Variants in IDNK observed in about 807,000 individuals in gnomAD.
IDNK encodes the protein gluconokinase.
In IDNK, 9 loss-of-function variants were observed where a neutral mutation model predicts 13.0. The observed-to-expected ratio is 0.69, with a 90% CI of 0.42 to 1.21. The LOEUF (loss-of-function observed/expected upper bound fraction) is 1.21. IDNK is among the 50% of genes most tolerant of loss of function. The pLI is 0.00. For synonymous variants in IDNK, 92 were observed against 94.9 expected (o/e 0.97, Z 0.18); for missense variants, 210 against 237.8 (o/e 0.88, Z 0.77).
rs150432950 is a variant in IDNK, at chr9:83,643,786, A to G, written c.*6A>G. The G allele has an allele frequency of 4.7e-4, 748 of 1,585,960 alleles. No individual in the cohort carries two copies. The African/African-American group carries it at 8.6e-3, about 18-fold the overall frequency. ...AAACCCTAAAAATGAAATGACAATG[A>G]TTTTGTATCAGTGGTCCAAACAGAA... is the stretch of plus-strand genomic sequence containing the variant. On this transcript the variant is annotated 3_prime_UTR_variant, in exon 5 of 5. Transcript: ENST00000376419.
intron 1 of IDNK, chr9:83,626,324 TGACA>T (rs1830847684): frequency 8.5e-6 from 2 of 234,016 alleles, no homozygotes; most frequent in South Asian, 4.3e-5. Context: ...ATCTTCTTCC[TGACA>T]GTCTACACCC....
intron 4 of IDNK, among the ~76,000 whole-genome samples, chr9:83,643,055 G>A (rs889193698): frequency 1.3e-5 from 2 of 152,210 alleles, no homozygotes; most frequent in African/African-American, 4.8e-5. Flanking sequence ...GCAGCCCTGT[G>A]TCCACACACT....
chr9:83,629,366 A>G (rs1371366240), intron 3 of IDNK, among the ~76,000 whole-genome samples: 1 of 152,178 alleles, frequency 6.6e-6, no homozygotes. Context: ...TGAGAACTCA[A>G]AGCTGGCCAT....
Position 83,623,227 on chromosome 9 carries a change from T to A in IDNK, c.50+6T>A, listed in dbSNP as rs1346255326. On this transcript the variant is annotated splice_donor_region_variant and intron_variant, in intron 1 of 4. Coordinates refer to ENST00000376419, the MANE Select transcript of IDNK (RefSeq NM_001001551.4). ...GGCGTGAGCGGCTCGGGGAAGTAGG[T>A]CCGGGAGAGGGCGGGGGGCGCCCGG... 2.2e-6 allele frequency: 3 copies of A among 1,394,254 alleles called. No homozygotes were observed. In the South Asian group the frequency reaches 5.0e-5, roughly 23 times the overall value. The allele number at this position is 1,394,254 out of a possible 1,614,324, so 86.4% of individuals were successfully genotyped here.
At position 83,624,952 on chromosome 9, in the gene IDNK, T is replaced by G. The variant is rs188080057; in HGVS notation, c.50+1731T>G. Among the ~76,000 whole-genome samples the G allele has an allele frequency of 3.1e-3, 476 of 152,248 alleles. 1 individual carries two copies. Among genetic ancestry groups the G allele is most frequent in the Non-Finnish European group, 5.6e-3 (383 of 68,026 alleles). On this transcript the variant is annotated intron_variant, in intron 1 of 4. Transcript: ENST00000376419. Reference sequence around the variant, plus strand: ...CTGGTCTCAAACTCCTGACCTCAGGTGATCCATGCGTCTCAGCCTCCCAAA... The same window carrying G: ...CTGGTCTCAAACTCCTGACCTCAGGGGATCCATGCGTCTCAGCCTCCCAAA...
intron 1 of IDNK, 199 bp from the exon 2 acceptor site, chr9:83,627,979 TTTC>T: frequency 1.5e-6 from 2 of 1,350,634 alleles, no homozygotes; most frequent in Non-Finnish European, 1.9e-6. Context: ...TAACTAATTA[TTTC>T]TTCATTGACA....
intron 3 of IDNK, among the ~76,000 whole-genome samples, chr9:83,634,944 A>G (rs1831123963): frequency 6.6e-6 from 1 of 152,214 alleles, no homozygotes. Context: ...ATATGTGATC[A>G]TGTAAATTAG....
rs769478824 is a variant in IDNK at position 83,643,780 on chromosome 9, ACAATGATTTTGTATCAGTGGT to A, written c.*2_*22del. On this transcript the variant is annotated 3_prime_UTR_variant, in exon 5 of 5. Transcript: ENST00000376419. ...TTATGGAAACCCTAAAAATGAAATG[ACAATGATTTTGTATCAGTGGT>A]CCAAACAGAACTAAGCATAAATCAT... The A allele has an allele frequency of 2.3e-5, 37 of 1,596,844 alleles. No individual in the cohort carries two copies. Among genetic ancestry groups the A allele is most frequent in the Non-Finnish European group, 3.2e-5 (37 of 1,167,416 alleles).
chr9:83,626,805 C>T, intron 1 of IDNK: 2 of 1,145,584 alleles, frequency 1.7e-6, no homozygotes, highest in Non-Finnish European at 2.2e-6. Context: ...CATCCGTAGG[C>T]TGCATGTCTC....
intron 4 of IDNK, among the ~76,000 whole-genome samples, chr9:83,643,107 A>G (rs1384818836): frequency 6.6e-6 from 1 of 152,094 alleles, no homozygotes; most frequent in African/African-American, 2.4e-5. Context: ...CAGAACTAAC[A>G]CTTACTGAGC....
At chr9:83,629,721 A>G (rs1830960171) in intron 3 of IDNK, among the ~76,000 whole-genome samples, 1 of 152,202 alleles carries the variant, frequency 6.6e-6, no homozygotes, top group South Asian at 2.1e-4. Context: ...CAGCTCAACA[A>G]CTGATGGTCT....
chr9:83,637,214 G>A (rs1831188256), intron 3 of IDNK, among the ~76,000 whole-genome samples: 1 of 152,190 alleles, frequency 6.6e-6, no homozygotes, highest in African/African-American at 2.4e-5. Flanking sequence ...AGTGATCTCT[G>A]GTTAAATAGT....
In IDNK at chr9:83,643,800, G is replaced by T. The variant is rs1489782373; in HGVS notation, c.*20G>T. 9 of 1,546,158 alleles carry T rather than the reference G, an allele frequency of 5.8e-6. No homozygotes were observed. Among genetic ancestry groups the T allele is most frequent in the Middle Eastern group, 3.9e-4 (2 of 5,174 alleles). On this transcript the variant is annotated 3_prime_UTR_variant, in exon 5 of 5. Coordinates refer to ENST00000376419, the MANE Select transcript of IDNK (RefSeq NM_001001551.4). ...AAATGACAATGATTTTGTATCAGTG[G>T]TCCAAACAGAACTAAGCATAAATCA...
chr9:83,632,843 T>C (rs1831060507), intron 3 of IDNK, among the ~76,000 whole-genome samples: 1 of 152,198 alleles, frequency 6.6e-6, no homozygotes, highest in African/African-American at 2.4e-5. Context: ...GTGAATTTGC[T>C]CTAATATCTC....
Position 83,623,223 on chromosome 9 carries a change from TAGGTCC to T in IDNK, c.50+3_50+8del, listed in dbSNP as rs1830748761. 2.6e-5 allele frequency: 37 copies of T among 1,397,366 alleles called. No individual in the cohort carries two copies. Among genetic ancestry groups the T allele is most frequent in the Non-Finnish European group, 3.1e-5 (33 of 1,079,544 alleles). The allele number at this position is 1,397,366 out of a possible 1,614,324, so 86.6% of individuals were successfully genotyped here. A position where few individuals can be genotyped will look rare whatever the true frequency, so the allele number is the denominator to read the frequency against. ...GATGGGCGTGAGCGGCTCGGGGAAG[TAGGTCC>T]GGGAGAGGGCGGGGGGCGCCCGGGA... On this transcript the variant is annotated splice_donor_5th_base_variant and intron_variant, in intron 1 of 4. Coordinates refer to ENST00000376419, the MANE Select transcript of IDNK (RefSeq NM_001001551.4).
In IDNK at chr9:83,643,863, A is replaced by G; in HGVS notation, c.*83A>G. 3.0e-6 allele frequency: 3 copies of G among 997,234 alleles called. No individual in the cohort carries two copies. Among genetic ancestry groups the G allele is most frequent in the East Asian group, 5.0e-5 (2 of 40,152 alleles). The allele number at this position is 997,234 out of a possible 1,614,324, so 61.8% of individuals were successfully genotyped here. A position where few individuals can be genotyped will look rare whatever the true frequency, so the allele number is the denominator to read the frequency against. The stretch of plus-strand genomic sequence containing the variant: ...AAACCTCGTTCCAGCCGCCTTGCCC[A>G]TACTAGATTCTAAATGTTTCTAAAG... On this transcript the variant is annotated 3_prime_UTR_variant, in exon 5 of 5. Transcript: ENST00000376419.
At chr9:83,634,001 CTT>C (rs970310890) in intron 3 of IDNK, among the ~76,000 whole-genome samples, 19 of 152,202 alleles carry the variant, frequency 1.2e-4, no homozygotes, top group African/African-American at 4.6e-4. Flanking sequence ...GAGGCACTGA[CTT>C]AAAGGGTGGT....
chr9:83,625,585 T>C (rs1188606881), intron 1 of IDNK, among the ~76,000 whole-genome samples: 4 of 152,242 alleles, frequency 2.6e-5, no homozygotes, highest in African/African-American at 9.6e-5. Context: ...ATAAAAAGAC[T>C]GGGACTTGAT....
intron 3 of IDNK, among the ~76,000 whole-genome samples, chr9:83,639,156 T>C (rs1831236123): frequency 6.6e-6 from 1 of 152,124 alleles, no homozygotes; most frequent in African/African-American, 2.4e-5. Context: ...CCAAAATGGT[T>C]GGGAACTCTA....
Sources: allele counts gnomAD v4.1 joint callset (sites outside exome capture counted in the v4.1 genomes callset), GRCh38; gene constraint gnomAD v4.1.1; transcripts MANE v1.5; gene names NCBI Gene and HGNC (gene_info 2026-07-23, HGNC 2026-07-21).